The following OFD1 variants were observed in gnomAD, a reference collection of about 807,000 sequenced individuals.
The protein encoded by OFD1 is centriole and centriolar satellite protein OFD1.
In OFD1, 12 loss-of-function variants were observed where a neutral mutation model predicts 81.4. The observed-to-expected ratio is 0.15, with a 90% CI of 0.09 to 0.24. The LOEUF (loss-of-function observed/expected upper bound fraction) is 0.24. Among genes scored for constraint, OFD1 ranks in the 10% least tolerant of loss-of-function variants. The probability of loss-of-function intolerance (pLI) is 1.00; values close to 1 mark genes in which losing one functional copy is unlikely to be tolerated. For synonymous variants in OFD1, 256 were observed against 263.7 expected (o/e 0.97, Z 0.28); for missense variants, 685 against 733.9 (o/e 0.93, Z 0.77).
At chrX:13,771,125 A>T (rs1385293945), downstream of OFD1, 7 of 112,618 alleles carry the variant, frequency 6.2e-5, no homozygotes, top group Non-Finnish European at 1.3e-4. Flanking sequence ...TTAGGTTACA[A>T]AAATTTATAC....
At chrX:13,722,792 G>A in the OFD1 span, among the ~76,000 whole-genome samples, 69 of 111,782 alleles carry the variant, frequency 6.2e-4, no homozygotes, top group African/African-American at 1.9e-3. Flanking sequence ...GGCCAGGCGC[G>A]GTGGCTCACG....
the OFD1 span, among the ~76,000 whole-genome samples, chrX:13,718,599 G>A: frequency 1.8e-5 from 2 of 112,322 alleles, no homozygotes; most frequent in African/African-American, 6.5e-5. Flanking sequence ...AAGTTTTAAT[G>A]AGTAGTGTTC....
At chrX:13,746,176 C>G in intron 6 of OFD1, 143 bp from the exon 7 acceptor site, 1 of 511,860 alleles carries the variant, frequency 2.0e-6, no homozygotes, top group South Asian at 2.9e-5. Flanking sequence ...CATCCACCTT[C>G]CTTTTTTTGT....
At chrX:13,739,199 G>T in intron 5 of OFD1, 167 bp downstream of exon 5, 4 of 411,419 alleles carry the variant, frequency 9.7e-6, no homozygotes, top group East Asian at 4.4e-5. Context: ...ATAACTTTTA[G>T]ATATTCAATT....
chrX:13,756,851 A>G, intron 13 of OFD1, 84 bp downstream of exon 13: 1 of 748,276 alleles, frequency 1.3e-6, no homozygotes, highest in Non-Finnish European at 2.1e-6. Flanking sequence ...TTGTACTTGT[A>G]TAAGGTAGGG....
intron 5 of OFD1, 105 bp downstream of exon 5, chrX:13,739,137 T>G: frequency 1.5e-6 from 1 of 650,990 alleles, no homozygotes; most frequent in South Asian, 2.6e-5. Context: ...TTTAATTTGA[T>G]TTAAATTATT....
At chrX:13,752,898 T>C (rs1321305998) in intron 10 of OFD1, 4 of 932,224 alleles carry the variant, frequency 4.3e-6, no homozygotes, top group South Asian at 4.6e-5. Context: ...CCGGATATAA[T>C]GCTCTTGGCA....
At chrX:13,769,375 T>C (rs1321462328), downstream of OFD1, 1 of 341,439 alleles carries the variant, frequency 2.9e-6, no homozygotes, top group Non-Finnish European at 5.1e-6. Context: ...TTGTCTTAAA[T>C]TTATAAATGA....
chrX:13,767,196 G>A lies in OFD1; in HGVS notation c.2669G>A (p.Arg890Gln), dbSNP rs748643730. ...ATACGGGAACAGCAAGTGAAAGAAC[G>A]AAGGCAGAGAGAAGAAAGAAGGCAG... ...EKIREQQVKE[R>Q]RQREERRQSN... Residue 890 changes from arginine to glutamine, a missense_variant, in exon 20 of 23, where the codon CGA becomes CAA. Arg to Gln is a conservative substitution (Grantham distance 43). Transcript: ENST00000340096. 23 of 1,208,522 alleles carry A rather than the reference G, an allele frequency of 1.9e-5. No individual in the cohort carries two copies. In the African/African-American group the frequency reaches 3.3e-4, roughly 17 times the overall value.
chrX:13,742,430 A>G (rs2047140647), intron 5 of OFD1, among the ~76,000 whole-genome samples: 1 of 112,437 alleles, frequency 8.9e-6, no homozygotes, highest in Non-Finnish European at 1.9e-5. Flanking sequence ...GGGTTTCGTG[A>G]TGAGATGTAA....
At chrX:13,767,923 A>G (rs1602941833) in intron 20 of OFD1, 131 bp from the exon 21 acceptor site, 1 of 611,195 alleles carries the variant, frequency 1.6e-6, no homozygotes, top group East Asian at 3.7e-5. Context: ...AATGACTTCA[A>G]TTTTAAAAAT....
In OFD1 at chrX:13,769,302, TCTC is replaced by T. The variant is rs2048256234; in HGVS notation, c.*196_*198del. 1 of 435,657 alleles carries T rather than the reference TCTC, an allele frequency of 2.3e-6. No homozygotes were observed. The highest frequency in any genetic ancestry group is 4.1e-6 in the Non-Finnish European group (1 of 245,816). 35.9% of individuals were successfully genotyped at this position (435,657 alleles called of 1,213,427 possible). On this transcript the variant is annotated 3_prime_UTR_variant, in exon 23 of 23. Transcript: ENST00000340096. ...AATAATCTAGTCACGTGAAACCTCT[TCTC>T]CAGTCATAGTATTTCTCATTCATTA... is the stretch of plus-strand genomic sequence containing the variant.
downstream of OFD1, among the ~76,000 whole-genome samples, chrX:13,770,495 CAT>C (rs1401178262): frequency 8.9e-6 from 1 of 112,310 alleles, no homozygotes; most frequent in Non-Finnish European, 1.9e-5. Flanking sequence ...TCCTAAGTAA[CAT>C]ATTTAGCTTG....
chrX:13,773,286 G>T, downstream of OFD1: 1 of 208,137 alleles, frequency 4.8e-6, no homozygotes. Context: ...TTAAGAAAAA[G>T]CAAAAATGAA....
In OFD1 at chrX:13,769,276, GAAT is replaced by G; in HGVS notation, c.*172_*174del. ...TTTGATACCATAGTGTGTGAACCAA[GAAT>G]AATCTAGTCACGTGAAACCTCTTCT... On this transcript the variant is annotated 3_prime_UTR_variant, in exon 23 of 23. Coordinates refer to ENST00000340096, the MANE Select transcript of OFD1 (RefSeq NM_003611.3). 2.1e-6 allele frequency: 1 copy of G among 474,047 alleles called. No individual in the cohort carries two copies. The highest frequency in any genetic ancestry group is 3.4e-5 in the South Asian group (1 of 29,387). The allele number at this position is 474,047 out of a possible 1,213,427, so 39.1% of individuals were successfully genotyped here.
intron 9 of OFD1, among the ~76,000 whole-genome samples, chrX:13,750,505 T>TCTC (rs1241691441): frequency 8.9e-6 from 1 of 112,256 alleles, no homozygotes; most frequent in African/African-American, 3.2e-5. Context: ...GCTAAGGAGT[T>TCTC]GGTGCTATGG....
intron 19 of OFD1, among the ~76,000 whole-genome samples, chrX:13,765,871 T>C (rs1033888192): frequency 8.9e-6 from 1 of 112,068 alleles, no homozygotes; most frequent in Non-Finnish European, 1.9e-5. Context: ...TTTTGACAGA[T>C]CAGGTACAAG....
At chrX:13,716,504 TA>T in the OFD1 span, 1 of 1,209,465 alleles carries the variant, frequency 8.3e-7, no homozygotes, top group Non-Finnish European at 1.1e-6. Flanking sequence ...AAACTTTAGT[TA>T]GTTACCTTTA....
At chrX:13,717,034 T>TAA in the OFD1 span, among the ~76,000 whole-genome samples, 263 of 37,940 alleles carry the variant, frequency 6.9e-3, 17 homozygotes, top group Admixed American at 9.6e-3. Flanking sequence ...GATACTATGT[T>TAA]AAAAAAAAAA....
Sources: gnomAD v4.1 joint callset for allele counts (sites outside exome capture counted in the v4.1 genomes callset) on GRCh38, gnomAD v4.1.1 for gene constraint, MANE v1.5 for transcripts, NCBI Gene and HGNC (gene_info 2026-07-23, HGNC 2026-07-21) for gene names.